Variants in IFNAR2 observed in about 807,000 individuals in gnomAD.
IFNAR2 encodes interferon alpha and beta receptor subunit 2.
IFNAR2 carries 30 observed loss-of-function variants against 49.4 expected under a neutral mutation model. The observed-to-expected ratio is 0.61, with a 90% confidence interval of 0.45 to 0.82. The LOEUF is 0.82. Among genes scored for constraint, IFNAR2 ranks in the 40% least tolerant of loss-of-function variants. The pLI is 0.00. For synonymous variants in IFNAR2, 224 were observed against 234.5 expected (o/e 0.96, Z 0.41); for missense variants, 600 against 622.7 (o/e 0.96, Z 0.39).
chr21:33,250,054 A>C (rs2123495855), intron 6 of IFNAR2, among the ~76,000 whole-genome samples: 1 of 152,344 alleles, frequency 6.6e-6, no homozygotes, highest in African/African-American at 2.4e-5. Context: ...CCACAGGGGC[A>C]AAGATGGGAG....
chr21:33,236,761 T>C, intron 1 of IFNAR2: 2 of 985,012 alleles, frequency 2.0e-6, no homozygotes, highest in South Asian at 9.4e-5. Context: ...AAACTCACAT[T>C]GAAAGATAAA....
chr21:33,237,144 C>T (rs1986539127), intron 1 of IFNAR2, among the ~76,000 whole-genome samples: 1 of 148,598 alleles, frequency 6.7e-6, no homozygotes, highest in Non-Finnish European at 1.5e-5. Context: ...AGTGTTCCTG[C>T]AGATATATAA....
intron 6 of IFNAR2, among the ~76,000 whole-genome samples, chr21:33,251,222 G>A (rs964045055): frequency 4.6e-5 from 7 of 152,146 alleles, no homozygotes; most frequent in African/African-American, 1.7e-4. Context: ...GACTGAGAAA[G>A]AGCAACCAGC....
intron 6 of IFNAR2, chr21:33,251,892 G>C (rs1411759769): frequency 8.4e-6 from 3 of 357,838 alleles, no homozygotes; most frequent in Non-Finnish European, 1.2e-5. Context: ...AGACCAGCGT[G>C]GCCAACATGG....
intron 6 of IFNAR2, among the ~76,000 whole-genome samples, chr21:33,251,204 G>T (rs1459885980): frequency 6.6e-6 from 1 of 152,120 alleles, no homozygotes; most frequent in Non-Finnish European, 1.5e-5. Context: ...GGAAGAAACA[G>T]CAAAATCGAC....
intron 3 of IFNAR2, among the ~76,000 whole-genome samples, chr21:33,243,919 CTA>C (rs965195825): frequency 6.6e-6 from 1 of 152,150 alleles, no homozygotes; most frequent in African/African-American, 2.4e-5. Context: ...GAAATGAACA[CTA>C]GAGATCATTT....
At chr21:33,238,465 C>T (rs755317166) in intron 1 of IFNAR2, among the ~76,000 whole-genome samples, 4 of 152,064 alleles carry the variant, frequency 2.6e-5, no homozygotes, top group Non-Finnish European at 5.9e-5. Flanking sequence ...ATCTATAGGT[C>T]TTAGTCACAT....
chr21:33,235,782 T>C (rs1986404748), intron 1 of IFNAR2, among the ~76,000 whole-genome samples: 1 of 151,692 alleles, frequency 6.6e-6, no homozygotes, highest in Non-Finnish European at 1.5e-5. Flanking sequence ...AAAAATTAGC[T>C]GGGTGTGGTG....
rs781428787 is a variant in IFNAR2, at chr21:33,263,121, T to C, written c.1169T>C (p.Leu390Pro). The C allele has an allele frequency of 6.2e-7, 1 of 1,614,164 alleles. No homozygotes were observed. Among genetic ancestry groups the C allele is most frequent in the South Asian group, 1.1e-5 (1 of 91,078 alleles). Residue 390 changes from leucine to proline, a missense_variant, in exon 9 of 9, where the codon CTC becomes CCC. Coordinates refer to ENST00000342136, the MANE Select transcript of IFNAR2 (RefSeq NM_001289125.3). ...AAGGACAGCCCTCAGCAGTTGGAACTCTTGAGTGGGCCCTGTGAGAGGAGA... is the reference window on the plus strand; with the variant it reads ...AAGGACAGCCCTCAGCAGTTGGAACCCTTGAGTGGGCCCTGTGAGAGGAGA... Reference protein sequence around the residue: ...MPKDSPQQLELLSGPCERRKS... With the variant: ...MPKDSPQQLEPLSGPCERRKS...
In IFNAR2 at chr21:33,230,687, C is replaced by A. The variant is rs944573744; in HGVS notation, c.-84+471C>A. 4.6e-5 allele frequency: 20 copies of A among 438,138 alleles called. No homozygotes were observed. The highest frequency in any genetic ancestry group is 3.8e-4 in the African/African-American group (19 of 49,444). 27.1% of individuals were successfully genotyped at this position (438,138 alleles called of 1,614,324 possible). A position where few individuals can be genotyped will look rare whatever the true frequency, so the allele number is the denominator to read the frequency against. On this transcript the variant is annotated intron_variant, in intron 1 of 8. Coordinates refer to ENST00000342136, the MANE Select transcript of IFNAR2 (RefSeq NM_001289125.3). This position sits in a 1 kb window ranked among gnomAD's most constrained non-coding sequence, Gnocchi z 5.5. ...CCTTGAGGTCCCCTGGGATTAGCCC[C>A]CCTCGACCTGCGTCAGGGTCACAGA...
In IFNAR2 at chr21:33,248,733, A is replaced by C. The variant is rs1434688402; in HGVS notation, c.419A>C (p.Glu140Ala). Reference protein sequence around the residue: ...IDMSFEPPEFEIVGFTNHINV... With the variant: ...IDMSFEPPEFAIVGFTNHINV... ...GTGTCTTTTGAACCACCAGAGTTTGAGATTGTTGGTTTTACCAACCACATT... is the reference window on the plus strand; with the variant it reads ...GTGTCTTTTGAACCACCAGAGTTTGCGATTGTTGGTTTTACCAACCACATT... The change falls in exon 6 of 9, where the codon GAG (glutamate) becomes GCG (alanine). Residue 140 changes from glutamate (E) to alanine (A), a missense_variant. By Grantham distance (107) the Glu-to-Ala change is moderately radical. Coordinates refer to ENST00000342136, the MANE Select transcript of IFNAR2 (RefSeq NM_001289125.3). 1 of 1,609,258 alleles carries C rather than the reference A, an allele frequency of 6.2e-7. No homozygotes were observed. Among genetic ancestry groups the C allele is most frequent in the Non-Finnish European group, 8.5e-7 (1 of 1,178,316 alleles).
chr21:33,262,560 G>T (rs1157506290), intron 8 of IFNAR2: 1 of 698,090 alleles, frequency 1.4e-6, no homozygotes. Context: ...TATTTTTTTA[G>T]AGGCAAGGTC....
chr21:33,239,014 G>A (rs915130022), intron 1 of IFNAR2, among the ~76,000 whole-genome samples: 1 of 152,198 alleles, frequency 6.6e-6, no homozygotes, highest in African/African-American at 2.4e-5. Context: ...AAGAAGCAAC[G>A]GTAGGGAAAC....
At chr21:33,254,137 C>T (rs940560413) in intron 7 of IFNAR2, among the ~76,000 whole-genome samples, 1 of 152,110 alleles carries the variant, frequency 6.6e-6, no homozygotes, top group Non-Finnish European at 1.5e-5. Flanking sequence ...AAATTCTAAG[C>T]CCCCCAACCA....
At chr21:33,238,668 T>C (rs1287924557) in intron 1 of IFNAR2, among the ~76,000 whole-genome samples, 1 of 135,578 alleles carries the variant, frequency 7.4e-6, no homozygotes, top group African/African-American at 2.5e-5. Flanking sequence ...TGGGTGTTTT[T>C]TTGGGGGGGT....
In IFNAR2 at chr21:33,263,854, CTT is replaced by C. The variant is rs58370026; in HGVS notation, c.*371_*372del. On this transcript the variant is annotated 3_prime_UTR_variant, in exon 9 of 9. Coordinates refer to ENST00000342136, the MANE Select transcript of IFNAR2 (RefSeq NM_001289125.3). ...CCTATGATATTTCTCTTCTTTCGTT[CTT>C]TTTTTTTTTTTTTTTTGAGACAGAG... 0.022 allele frequency: 2,756 copies of C among 127,046 alleles called. 8 individuals carry two copies. Among genetic ancestry groups the C allele is most frequent in the Non-Finnish European group, 0.03 (1,834 of 61,094 alleles). 7.9% of individuals were successfully genotyped at this position (127,046 alleles called of 1,614,324 possible).
intron 1 of IFNAR2, among the ~76,000 whole-genome samples, chr21:33,233,668 C>T (rs887130632): frequency 1.1e-4 from 16 of 151,490 alleles, no homozygotes; most frequent in African/African-American, 3.4e-4. Flanking sequence ...ATTTTTTTTC[C>T]GGAAGAACAA....
rs149379041 is a variant in IFNAR2, at chr21:33,262,875, A to C, written c.923A>C (p.Asn308Thr). The change falls in exon 9 of 9, where the codon AAC becomes ACC. Residue 308 changes from asparagine to threonine, a missense_variant. Transcript: ENST00000342136. ...AMDMVEVIYI[N>T]RKKKVWDYNY... is the part of the protein sequence containing the mutation. ...GATATGGTGGAGGTCATTTACATCA[A>C]CAGAAAGAAGAAAGTGTGGGATTAT... 1.7e-5 allele frequency: 28 copies of C among 1,613,874 alleles called. No individual in the cohort carries two copies. In the African/African-American group the frequency reaches 3.3e-4, roughly 19 times the overall value.
At chr21:33,240,491 T>A (rs932413460) in intron 1 of IFNAR2, among the ~76,000 whole-genome samples, 22 of 152,116 alleles carry the variant, frequency 1.4e-4, no homozygotes, top group African/African-American at 5.3e-4. Flanking sequence ...TGCAAAGATA[T>A]GGAATCAACC....
Sources: gnomAD v4.1 joint callset for allele counts (sites outside exome capture counted in the v4.1 genomes callset) on GRCh38, gnomAD v4.1.1 for gene constraint, Gnocchi (gnomAD v3.1) non-coding constraint, MANE v1.5 for transcripts, NCBI Gene and HGNC (gene_info 2026-07-23, HGNC 2026-07-21) for gene names.